The following DMD variants were observed in gnomAD, a reference collection of about 807,000 sequenced individuals.
DMD encodes the protein dystrophin.
In DMD, 63 loss-of-function variants were observed where a neutral mutation model predicts 330.1. The ratio of observed to expected loss-of-function variants is 0.19; its 90% CI spans 0.16 to 0.24. The LOEUF (loss-of-function observed/expected upper bound fraction) is 0.24. DMD is among the 10% of genes least tolerant of loss of function. The probability of loss-of-function intolerance (pLI) is 1.00; values close to 1 mark genes in which losing one functional copy is unlikely to be tolerated. For missense variants in DMD, 3,344 were observed against 2,684.1 expected (o/e 1.25, Z -5.43); for synonymous variants, 1,223 against 959.8 (o/e 1.27, Z -5.07).
chrX:32,631,866 C>T (rs5927091), intron 11 of DMD, among the ~76,000 whole-genome samples: 15,686 of 110,769 alleles, frequency 0.14, 1,003 homozygotes, highest in African/African-American at 0.25. Flanking sequence ...AATGTGAGAT[C>T]TGGGCAAGAA....
chrX:33,307,929 C>G (rs2053788704), intron 1 of DMD, among the ~76,000 whole-genome samples: 1 of 111,529 alleles, frequency 9.0e-6, no homozygotes, highest in African/African-American at 3.3e-5. Flanking sequence ...GTACAGACAC[C>G]AGTTTTTCAA....
chrX:32,189,941 A>G (rs1403165262), intron 44 of DMD, among the ~76,000 whole-genome samples: 1 of 111,304 alleles, frequency 9.0e-6, no homozygotes, highest in Non-Finnish European at 1.9e-5. Flanking sequence ...CAGGCTTGTT[A>G]CATATGTATA....
At chrX:32,539,433 T>C (rs936112623) in intron 17 of DMD, among the ~76,000 whole-genome samples, 1 of 111,207 alleles carries the variant, frequency 9.0e-6, no homozygotes, top group East Asian at 2.8e-4. Flanking sequence ...ATGTTTTGTT[T>C]CTATGGGCTG....
intron 7 of DMD, among the ~76,000 whole-genome samples, chrX:32,700,858 A>C: frequency 8.9e-6 from 1 of 111,953 alleles, no homozygotes; most frequent in Non-Finnish European, 1.9e-5. Context: ...ATTATAAGTG[A>C]AAAAGCCAAG....
chrX:33,023,322 A>G (rs1277996362), intron 1 of DMD, among the ~76,000 whole-genome samples: 5 of 111,643 alleles, frequency 4.5e-5, no homozygotes, highest in African/African-American at 1.6e-4. Context: ...TTTTGTTTTT[A>G]TAATTGTCTT....
At chrX:31,822,616 G>A (rs1316113122) in intron 49 of DMD, among the ~76,000 whole-genome samples, 2 of 95,289 alleles carry the variant, frequency 2.1e-5, no homozygotes, top group African/African-American at 8.0e-5. Flanking sequence ...GTGGTCAGCT[G>A]GACTGAAGGC....
chrX:32,419,158 A>AG (rs1462020271), intron 29 of DMD, among the ~76,000 whole-genome samples: 1 of 110,505 alleles, frequency 9.0e-6, no homozygotes, highest in Non-Finnish European at 1.9e-5. Flanking sequence ...TGCTTATACC[A>AG]GCTTAATGAA....
intron 1 of DMD, among the ~76,000 whole-genome samples, chrX:33,080,876 G>A (rs1019134073): frequency 9.0e-6 from 1 of 110,528 alleles, no homozygotes; most frequent in African/African-American, 3.3e-5. Flanking sequence ...AAAGTCATGT[G>A]AACAAAAAGT....
At chrX:32,289,579 A>C (rs2097457887) in intron 42 of DMD, among the ~76,000 whole-genome samples, 1 of 111,170 alleles carries the variant, frequency 9.0e-6, no homozygotes, top group African/African-American at 3.3e-5. Context: ...CTTGCTGATA[A>C]AGCAGGTTGC....
intron 56 of DMD, among the ~76,000 whole-genome samples, chrX:31,499,937 A>C (rs993564336): frequency 8.0e-5 from 9 of 112,297 alleles, no homozygotes; most frequent in African/African-American, 2.9e-4. Flanking sequence ...AAGCTCTCAC[A>C]TATCTGGGTA....
intron 9 of DMD, among the ~76,000 whole-genome samples, chrX:32,679,901 A>ATTTT (rs1569447513): frequency 5.8e-4 from 18 of 30,952 alleles, no homozygotes; most frequent in African/African-American, 2.1e-3. Flanking sequence ...TAATATTTGT[A>ATTTT]CTTTTTTTTT....
At chrX:31,260,876 G>T in intron 63 of DMD, 79 bp downstream of exon 63, 1 of 948,016 alleles carries the variant, frequency 1.1e-6, no homozygotes, top group South Asian at 2.0e-5. Context: ...TATATAGCAA[G>T]TAACTTTCAC....
At chrX:32,412,047 C>G in intron 29 of DMD, 134 bp from the exon 30 acceptor site, 1 of 1,192,310 alleles carries the variant, frequency 8.4e-7, no homozygotes, top group East Asian at 3.0e-5. Context: ...TCGCAGCTTC[C>G]TGGCACTCAT....
intron 1 of DMD, among the ~76,000 whole-genome samples, chrX:33,066,751 T>C (rs1249301123): frequency 9.0e-5 from 10 of 111,625 alleles, no homozygotes; most frequent in African/African-American, 2.9e-4. Context: ...TGCATATTTT[T>C]TGCCTTGCCT....
At position 32,593,685 on chromosome X, in the gene DMD, G is replaced by A. The variant is rs1450250075; in HGVS notation, c.1602+2072C>T. 8.9e-5 allele frequency among the ~76,000 whole-genome samples: 10 copies of A among 111,839 alleles called. No individual in the cohort carries two copies. In the East Asian group the frequency reaches 2.8e-3, roughly 31 times the overall value. On this transcript the variant is annotated intron_variant, in intron 13 of 78. Coordinates refer to ENST00000357033, the MANE Select transcript of DMD (RefSeq NM_004006.3). ...CTGGGACATAGTAAGAACATAACGA[G>A]TACTTGTTGAAAAAAATTCAAATGG... is the stretch of plus-strand genomic sequence containing the variant.
chrX:31,220,342 C>G (rs1488585328), intron 64 of DMD, among the ~76,000 whole-genome samples: 1 of 111,522 alleles, frequency 9.0e-6, no homozygotes, highest in African/African-American at 3.3e-5. Context: ...CACTTTTGAA[C>G]TCACCACACC....
chrX:31,578,374 G>T (rs5927019), intron 55 of DMD, among the ~76,000 whole-genome samples: 2,466 of 110,944 alleles, frequency 0.022, 62 homozygotes, highest in African/African-American at 0.073. Flanking sequence ...TATTTTCTTG[G>T]TCTTTCCACT....
At chrX:33,249,396 C>T (rs1371935236) in intron 1 of DMD, among the ~76,000 whole-genome samples, 1 of 111,753 alleles carries the variant, frequency 8.9e-6, no homozygotes, top group Non-Finnish European at 1.9e-5. Context: ...GGTGATCTGC[C>T]CACCTTGGCC....
chrX:32,030,425 T>C lies in DMD; in HGVS notation c.6439-61911A>G, dbSNP rs1029430981. On this transcript the variant is annotated intron_variant, in intron 44 of 78. Transcript: ENST00000357033. ...TTACATGTCTGCCTCCTTCACCAGA[T>C]TGTGGAGTCTGTGAAGGAAATTATG... Among the ~76,000 whole-genome samples the C allele has an allele frequency of 6.2e-5, 7 of 112,210 alleles. 1 individual carries two copies. Among genetic ancestry groups the C allele is most frequent in the African/African-American group, 2.3e-4 (7 of 30,888 alleles).
Sources: allele counts gnomAD v4.1 joint callset (sites outside exome capture counted in the v4.1 genomes callset), GRCh38; gene constraint gnomAD v4.1.1; transcripts MANE v1.5; gene names NCBI Gene and HGNC (gene_info 2026-07-23, HGNC 2026-07-21).